Variants in ARHGAP5 observed in about 807,000 individuals in gnomAD.
The protein encoded by ARHGAP5 is rho GTPase-activating protein 5.
ARHGAP5 carries 23 observed loss-of-function variants against 116.6 expected under a neutral mutation model. The ratio of observed to expected loss-of-function variants is 0.20; its 90% CI spans 0.14 to 0.28. ARHGAP5 has a LOEUF of 0.28. ARHGAP5 is among the 10% of genes least tolerant of loss of function. ARHGAP5 has a pLI of 1.00. For synonymous variants in ARHGAP5, 574 were observed against 602.0 expected (o/e 0.95, Z 0.68); for missense variants, 1,405 against 1,774.8 (o/e 0.79, Z 3.74).
intron 1 of ARHGAP5, among the ~76,000 whole-genome samples, chr14:32,081,393 A>G (rs2041771284): frequency 6.6e-6 from 1 of 152,084 alleles, no homozygotes; most frequent in Non-Finnish European, 1.5e-5. Flanking sequence ...AGTAGAGGAC[A>G]GATTAGCAGA....
At chr14:32,153,742 G>T (rs949314727) in intron 6 of ARHGAP5, among the ~76,000 whole-genome samples, 1 of 151,762 alleles carries the variant, frequency 6.6e-6, no homozygotes, top group Non-Finnish European at 1.5e-5. Context: ...AAGAGCTGGG[G>T]TTACAGGCGT....
rs1416344645 is a variant in ARHGAP5, at chr14:32,094,385, A to G, written c.3716A>G (p.Lys1239Arg). The G allele has an allele frequency of 1.3e-6, 2 of 1,562,392 alleles. No homozygotes were observed. The highest frequency in any genetic ancestry group is 4.3e-5 in the Admixed American group (2 of 47,042). ...ACCCACAAAGTGAAAGAAGATAAAA[A>G]GGTAAGGTTAACTTAAGGTCAGTGA... The part of the protein sequence containing the change: ...KKTHKVKEDK[K>R]QKKKTKNFNP... Residue 1239 changes from lysine (K) to arginine (R), a missense_variant and splice_region_variant, in exon 2 of 7, where the codon AAG (lysine) becomes AGG (arginine). Transcript: ENST00000345122.
chr14:32,127,403 T>C (rs532234937), intron 3 of ARHGAP5, among the ~76,000 whole-genome samples: 7 of 152,094 alleles, frequency 4.6e-5, no homozygotes, highest in South Asian at 2.1e-4. Flanking sequence ...CTTCAAGCAT[T>C]TGTTTAACAA....
Position 32,132,753 on chromosome 14 carries a change from G to A in ARHGAP5, c.3866-13510G>A, listed in dbSNP as rs1050851118. On this transcript the variant is annotated intron_variant, in intron 3 of 6. Coordinates refer to ENST00000345122, the MANE Select transcript of ARHGAP5 (RefSeq NM_001030055.2). ...TTAAGTCTTTAATCCATCTTGAATTGATTTTTGTGTAAGGTGTAAGGAAGG... is the reference window on the plus strand; with the variant it reads ...TTAAGTCTTTAATCCATCTTGAATTAATTTTTGTGTAAGGTGTAAGGAAGG... 5.9e-5 allele frequency among the ~76,000 whole-genome samples: 9 copies of A among 152,198 alleles called. 1 individual carries two copies. The highest frequency in any genetic ancestry group is 3.9e-4 in the East Asian group (2 of 5,186).
chr14:32,136,493 T>A (rs2139117609), intron 3 of ARHGAP5, among the ~76,000 whole-genome samples: 1 of 152,374 alleles, frequency 6.6e-6, no homozygotes, highest in Non-Finnish European at 1.5e-5. Context: ...CTATATCACA[T>A]TTAGCCGTTT....
At chr14:32,090,226 G>C (rs988463182) in intron 1 of ARHGAP5, among the ~76,000 whole-genome samples, 1 of 151,774 alleles carries the variant, frequency 6.6e-6, no homozygotes, top group African/African-American at 2.4e-5. Context: ...CATAGGAAGG[G>C]GTAATTAGAG....
intron 1 of ARHGAP5, among the ~76,000 whole-genome samples, chr14:32,085,361 G>C (rs527480771): frequency 6.6e-6 from 1 of 152,160 alleles, no homozygotes; most frequent in Admixed American, 6.5e-5. Flanking sequence ...GAGATGAGAG[G>C]ATCACCTGAG....
rs757829332 is a variant in ARHGAP5, at chr14:32,117,133, C to G, written c.3718-7C>G. On this transcript the variant is annotated splice_region_variant and splice_polypyrimidine_tract_variant and intron_variant, in intron 2 of 6. Transcript: ENST00000345122. ...AATAGTGTTAACTTAAATATGTTTT[C>G]TTATAGCAGAAAAAGAAAACTAAGA... is the stretch of plus-strand genomic sequence containing the variant. The G allele has an allele frequency of 1.3e-6, 2 of 1,584,488 alleles. No homozygotes were observed. The highest frequency in any genetic ancestry group is 1.8e-5 in the Admixed American group (1 of 56,632).
Position 32,155,196 on chromosome 14 carries a change from T to C in ARHGAP5, c.*248T>C, listed in dbSNP as rs568963276. Reference sequence around the variant, plus strand: ...TATAAAGTACAAAGCTGCTGCTGCATGCAACCTTATTGCAATCAGTATATC... The same window carrying C: ...TATAAAGTACAAAGCTGCTGCTGCACGCAACCTTATTGCAATCAGTATATC... On this transcript the variant is annotated 3_prime_UTR_variant, in exon 7 of 7. Coordinates refer to ENST00000345122, the MANE Select transcript of ARHGAP5 (RefSeq NM_001030055.2). 4.9e-6 allele frequency: 2 copies of C among 410,258 alleles called. No individual in the cohort carries two copies. Among genetic ancestry groups the C allele is most frequent in the South Asian group, 4.2e-5 (1 of 23,930 alleles). 25.4% of individuals were successfully genotyped at this position (410,258 alleles called of 1,614,324 possible).
chr14:32,105,680 A>G (rs1205185004), intron 2 of ARHGAP5, among the ~76,000 whole-genome samples: 2 of 152,134 alleles, frequency 1.3e-5, no homozygotes, highest in East Asian at 1.9e-4. Flanking sequence ...TTTCATGTGT[A>G]TAGGTTTGTG....
At chr14:32,101,502 C>G (rs552656231) in intron 2 of ARHGAP5, among the ~76,000 whole-genome samples, 2 of 152,032 alleles carry the variant, frequency 1.3e-5, no homozygotes, top group Non-Finnish European at 2.9e-5. Context: ...TTTCTGTTGT[C>G]ATTTGTCTAT....
chr14:32,123,427 A>G (rs941519338), intron 3 of ARHGAP5, among the ~76,000 whole-genome samples: 3 of 151,872 alleles, frequency 2.0e-5, no homozygotes, highest in Non-Finnish European at 4.4e-5. Context: ...GTTCATTTCT[A>G]TACCCATTAT....
chr14:32,134,339 T>C (rs1880673806), intron 3 of ARHGAP5, among the ~76,000 whole-genome samples: 1 of 152,206 alleles, frequency 6.6e-6, no homozygotes, highest in Non-Finnish European at 1.5e-5. Flanking sequence ...CCTCCCCACA[T>C]GGAATTTTAA....
intron 4 of ARHGAP5, among the ~76,000 whole-genome samples, chr14:32,149,165 A>T (rs1594397622): frequency 6.7e-6 from 1 of 149,492 alleles, no homozygotes; most frequent in Middle Eastern, 3.4e-3. Flanking sequence ...CTTTCTAGTT[A>T]CTTATGGCCT....
intron 3 of ARHGAP5, among the ~76,000 whole-genome samples, chr14:32,140,689 T>C (rs1414942558): frequency 6.6e-6 from 1 of 152,248 alleles, no homozygotes; most frequent in Non-Finnish European, 1.5e-5. Flanking sequence ...GAGAACATAC[T>C]CTCTATTATT....
rs1031828677 is a variant in ARHGAP5 at position 32,157,342 on chromosome 14, T to G, written c.*2394T>G. The G allele has an allele frequency of 2.0e-5, 3 of 152,256 alleles. No homozygotes were observed. Among genetic ancestry groups the G allele is most frequent in the African/African-American group, 7.2e-5 (3 of 41,450 alleles). The allele number at this position is 152,256 out of a possible 1,614,324, so 9.4% of individuals were successfully genotyped here. A position where few individuals can be genotyped will look rare whatever the true frequency, so the allele number is the denominator to read the frequency against. ...TTTTCTGGTAAGTTACTGGAAGGTT[T>G]CACTGTTTAGGGACCTATCATATGA... is the stretch of plus-strand genomic sequence containing the variant. On this transcript the variant is annotated 3_prime_UTR_variant, in exon 7 of 7. Coordinates refer to ENST00000345122, the MANE Select transcript of ARHGAP5 (RefSeq NM_001030055.2).
At chr14:32,152,562 A>G in intron 6 of ARHGAP5, 34 bp downstream of exon 6, 1 of 1,155,728 alleles carries the variant, frequency 8.7e-7, no homozygotes, top group Non-Finnish European at 1.2e-6. Flanking sequence ...TTTGGCAAAT[A>G]AAATGCACTA....
chr14:32,084,783 C>A (rs960286933), intron 1 of ARHGAP5, among the ~76,000 whole-genome samples: 2 of 152,012 alleles, frequency 1.3e-5, no homozygotes, highest in African/African-American at 4.8e-5. Flanking sequence ...AACTGTGGTT[C>A]AAAGATGAAG....
In ARHGAP5 at chr14:32,093,959, C is replaced by A. The variant is rs147527447; in HGVS notation, c.3290C>A (p.Thr1097Lys). Residue 1097 changes from threonine to lysine, a missense_variant, in exon 2 of 7, where the codon ACA becomes AAA. Physicochemically the swap from Thr to Lys is moderately conservative, Grantham distance 78 (BLOSUM62 -1). Around this residue, in one of 6 missense-constraint regions of ARHGAP5, gnomAD observed 944 missense variants for 1,095.3 expected, o/e 0.86. Transcript: ENST00000345122. ...PSDNYAEPIDTIFKQKGYSDE... is the reference protein window; with the variant it reads ...PSDNYAEPIDKIFKQKGYSDE... ...GATAACTATGCGGAACCCATTGATA[C>A]AATTTTCAAACAGAAGGGCTATTCT... is the stretch of plus-strand genomic sequence containing the variant. 58 of 1,613,802 alleles carry A rather than the reference C, an allele frequency of 3.6e-5. No individual in the cohort carries two copies. The African/African-American group carries it at 4.7e-4, about 13-fold the overall frequency.
Sources: gnomAD v4.1 joint callset for allele counts (sites outside exome capture counted in the v4.1 genomes callset) on GRCh38, gnomAD v4.1.1 for gene constraint, gnomAD v4.1.1 regional missense constraint, MANE v1.5 for transcripts, NCBI Gene and HGNC (gene_info 2026-07-23, HGNC 2026-07-21) for gene names.